The following ZNF69 variants were observed in gnomAD, a reference collection of about 807,000 sequenced individuals.
ZNF69 encodes the protein ZNF3.
ZNF69 carries 47 observed loss-of-function variants against 50.9 expected under a neutral mutation model. The observed-to-expected ratio is 0.92, with a 90% confidence interval of 0.73 to 1.18. The LOEUF is 1.18. Ranked by LOEUF, ZNF69 falls within the 50% of genes most tolerant of loss-of-function variation. ZNF69 has a pLI of 0.00. For synonymous variants in ZNF69, 216 were observed against 223.1 expected, an observed-to-expected ratio of 0.97 and a Z score of 0.29; for missense variants, 717 against 675.1, an observed-to-expected ratio of 1.06 and a Z score of -0.69.
At chr19:11,922,438 C>T in the ZNF69 span, among the ~76,000 whole-genome samples, 1 of 152,196 alleles carries the variant, frequency 6.6e-6, no homozygotes, top group Non-Finnish European at 1.5e-5. Context: ...AACAAATCCT[C>T]CTGTACTCCA....
At chr19:11,908,770 G>T (rs1254490906), downstream of ZNF69, among the ~76,000 whole-genome samples, 1 of 152,212 alleles carries the variant, frequency 6.6e-6, no homozygotes, top group Admixed American at 6.5e-5. Context: ...AACTAGAGAG[G>T]CAAGAGCAAA....
intron 1 of ZNF69, among the ~76,000 whole-genome samples, chr19:11,894,670 G>A (rs1365175526): frequency 2.0e-5 from 3 of 152,178 alleles, no homozygotes; most frequent in African/African-American, 7.2e-5. Context: ...GGACTCCCAA[G>A]AGAGCAGCTG....
At chr19:11,927,682 G>T in the ZNF69 span, among the ~76,000 whole-genome samples, 1 of 152,126 alleles carries the variant, frequency 6.6e-6, no homozygotes, top group Non-Finnish European at 1.5e-5. Flanking sequence ...TAGCACCCAA[G>T]TGCATTAAAA....
the ZNF69 span, chr19:11,978,183 G>A: frequency 6.2e-7 from 1 of 1,614,012 alleles, no homozygotes; most frequent in South Asian, 1.1e-5. Context: ...TTTTACCCAG[G>A]TTCCAGATGA....
downstream of ZNF69, among the ~76,000 whole-genome samples, chr19:11,917,562 C>A (rs896891318): frequency 8.6e-5 from 13 of 151,942 alleles, no homozygotes; most frequent in African/African-American, 3.1e-4. Flanking sequence ...ACCTGAGCTG[C>A]CTCCCTTTTG....
chr19:11,899,193 T>C (rs558140366), intron 1 of ZNF69, among the ~76,000 whole-genome samples: 10 of 152,348 alleles, frequency 6.6e-5, no homozygotes, highest in African/African-American at 2.4e-4. Context: ...TATCACATAT[T>C]TGGAATGATG....
the ZNF69 span, among the ~76,000 whole-genome samples, chr19:11,960,695 C>T: frequency 6.6e-6 from 1 of 151,348 alleles, no homozygotes; most frequent in East Asian, 1.9e-4. Flanking sequence ...CAAGGTTATT[C>T]TGTTTTTCAT....
chr19:11,948,963 A>G, the ZNF69 span: 1 of 1,608,700 alleles, frequency 6.2e-7, no homozygotes, highest in Non-Finnish European at 8.5e-7. Context: ...AATGTGGAAA[A>G]GCATTTGCAT....
At chr19:11,894,055 G>A (rs893317571) in intron 1 of ZNF69, among the ~76,000 whole-genome samples, 1 of 152,230 alleles carries the variant, frequency 6.6e-6, no homozygotes, top group Non-Finnish European at 1.5e-5. Context: ...GTGTTGGTGG[G>A]AAATAGTCAT....
intron 1 of ZNF69, among the ~76,000 whole-genome samples, chr19:11,900,829 G>A (rs1275495415): frequency 6.6e-6 from 1 of 152,100 alleles, no homozygotes; most frequent in Non-Finnish European, 1.5e-5. Flanking sequence ...TTTGAATGAA[G>A]TCCAATTTAT....
At chr19:11,975,641 CAA>C in the ZNF69 span, among the ~76,000 whole-genome samples, 1 of 148,262 alleles carries the variant, frequency 6.7e-6, no homozygotes, top group Non-Finnish European at 1.5e-5. Flanking sequence ...CTCGGCCTAC[CAA>C]AGTGTTGGGA....
At chr19:11,953,203 T>A in the ZNF69 span, 1 of 152,298 alleles carries the variant, frequency 6.6e-6, no homozygotes, top group Non-Finnish European at 1.5e-5. Flanking sequence ...ACCATCCACT[T>A]GACCCCAAAT....
the ZNF69 span, chr19:11,948,893 C>G: frequency 1.9e-6 from 3 of 1,604,064 alleles, no homozygotes; most frequent in African/African-American, 1.4e-5. Context: ...TTTCATAGTT[C>G]TAGTTCCTAT....
the ZNF69 span, among the ~76,000 whole-genome samples, chr19:11,973,374 C>T: frequency 6.6e-6 from 1 of 152,112 alleles, no homozygotes; most frequent in African/African-American, 2.4e-5. Flanking sequence ...TGCTTGACGA[C>T]TCATTTATTT....
At chr19:11,965,589 CT>C in the ZNF69 span, among the ~76,000 whole-genome samples, 1 of 148,882 alleles carries the variant, frequency 6.7e-6, no homozygotes, top group South Asian at 2.1e-4. Context: ...CCAGTTCCCA[CT>C]TTCTCCTGTT....
chr19:11,948,441 A>G, the ZNF69 span: 1 of 1,613,758 alleles, frequency 6.2e-7, no homozygotes, highest in East Asian at 2.2e-5. Context: ...TAGGTAACTC[A>G]TCTTTTAATA....
At chr19:11,950,031 G>A in the ZNF69 span, 1 of 1,613,980 alleles carries the variant, frequency 6.2e-7, no homozygotes, top group Non-Finnish European at 8.5e-7. Context: ...ATGAAAGGAA[G>A]CACAGAGGAG....
the ZNF69 span, among the ~76,000 whole-genome samples, chr19:11,964,151 C>T: frequency 6.6e-6 from 1 of 152,196 alleles, no homozygotes; most frequent in Admixed American, 6.5e-5. Context: ...GGGGTCTTCC[C>T]GGGCAGCCCG....
intron 1 of ZNF69, among the ~76,000 whole-genome samples, chr19:11,889,160 CA>C (rs1977020474): frequency 6.6e-6 from 1 of 151,906 alleles, no homozygotes; most frequent in Non-Finnish European, 1.5e-5. Context: ...CCATCCCAGC[CA>C]AAAAACAGAC....
Sources: allele counts gnomAD v4.1 joint callset (sites outside exome capture counted in the v4.1 genomes callset), GRCh38; gene constraint gnomAD v4.1.1; transcripts MANE v1.5; gene names NCBI Gene and HGNC (gene_info 2026-07-23, HGNC 2026-07-21).